The following BNC2 variants were observed in gnomAD, a reference collection of about 807,000 sequenced individuals.
BNC2 encodes zinc finger protein basonuclin-2.
In BNC2, 20 loss-of-function variants were observed where a neutral mutation model predicts 76.3. The observed-to-expected ratio is 0.26, with a 90% CI of 0.18 to 0.38. BNC2 has a LOEUF of 0.38. Among genes scored for constraint, BNC2 ranks in the 10% least tolerant of loss-of-function variants. The pLI is 1.00. For synonymous variants in BNC2, 582 were observed against 514.8 expected (o/e 1.13, Z -1.77); for missense variants, 1,382 against 1,399.8 (o/e 0.99, Z 0.20).
intron 1 of BNC2, among the ~76,000 whole-genome samples, chr9:16,818,213 G>C (rs555001731): frequency 1.3e-5 from 2 of 152,180 alleles, no homozygotes; most frequent in African/African-American, 2.4e-5. Flanking sequence ...GACCATCCTG[G>C]GTAACACGGT....
chr9:16,516,096 T>C (rs1817416125), intron 5 of BNC2, among the ~76,000 whole-genome samples: 1 of 152,222 alleles, frequency 6.6e-6, no homozygotes, highest in Non-Finnish European at 1.5e-5. Context: ...TGAGCCACTG[T>C]TTCTAAGTGC....
chr9:16,607,309 C>G (rs1820414139), intron 3 of BNC2, among the ~76,000 whole-genome samples: 1 of 151,852 alleles, frequency 6.6e-6, no homozygotes, highest in South Asian at 2.1e-4. Context: ...AAGAAAAAAA[C>G]AGACAACAAG....
chr9:16,669,796 A>C (rs1434699415), intron 3 of BNC2, among the ~76,000 whole-genome samples: 1 of 152,212 alleles, frequency 6.6e-6, no homozygotes, highest in Non-Finnish European at 1.5e-5. Flanking sequence ...ATACCACGGA[A>C]AAAGAAATGA....
At chr9:16,765,653 G>A (rs1336818146) in intron 1 of BNC2, among the ~76,000 whole-genome samples, 2 of 152,054 alleles carry the variant, frequency 1.3e-5, no homozygotes, top group Admixed American at 1.3e-4. Context: ...AAAAGTAACA[G>A]GTTTTTTTCC....
rs114095684 is a variant in BNC2 at position 16,617,749 on chromosome 9, T to C, written c.331-34664A>G. Among the ~76,000 whole-genome samples, 8 of 152,306 alleles carry C rather than the reference T, an allele frequency of 5.3e-5. 1 individual carries two copies. Among genetic ancestry groups the C allele is most frequent in the African/African-American group, 1.7e-4 (7 of 41,574 alleles). The stretch of plus-strand genomic sequence containing the variant: ...AACATGTATGCAGCATTTATTATGT[T>C]TCAGGCACTGTTCTAGGCACCATAC... On this transcript the variant is annotated intron_variant, in intron 3 of 6. Transcript: ENST00000380672.
intron 3 of BNC2, among the ~76,000 whole-genome samples, chr9:16,638,340 A>G (rs536889465): frequency 3.9e-5 from 6 of 152,356 alleles, no homozygotes; most frequent in African/African-American, 1.4e-4. Flanking sequence ...CTCAAATGAA[A>G]TTCATCAATA....
intron 3 of BNC2, among the ~76,000 whole-genome samples, chr9:16,703,197 T>C (rs1279505159): frequency 6.6e-6 from 1 of 152,150 alleles, no homozygotes; most frequent in African/African-American, 2.4e-5. Context: ...TTAAAAAAAG[T>C]GCTTCTATCA....
At chr9:16,596,102 C>A (rs1004602469) in intron 3 of BNC2, among the ~76,000 whole-genome samples, 2 of 151,990 alleles carry the variant, frequency 1.3e-5, no homozygotes, top group Non-Finnish European at 2.9e-5. Context: ...TCCATCAGAT[C>A]AAAAATCCAA....
intron 4 of BNC2, among the ~76,000 whole-genome samples, chr9:16,560,391 A>G (rs982601111): frequency 3.3e-5 from 5 of 152,218 alleles, no homozygotes; most frequent in African/African-American, 4.8e-5. Context: ...TCTTGTTAAT[A>G]GGATTAGGAA....
chr9:16,541,555 C>T (rs1818321350), intron 5 of BNC2, among the ~76,000 whole-genome samples: 1 of 152,206 alleles, frequency 6.6e-6, no homozygotes, highest in Non-Finnish European at 1.5e-5. Flanking sequence ...GAGATGACAG[C>T]ACAGAGACAA....
chr9:16,580,065 G>A (rs956674840), intron 4 of BNC2: 17 of 398,318 alleles, frequency 4.3e-5, no homozygotes, highest in African/African-American at 3.3e-4. Flanking sequence ...CCACACCCAG[G>A]ACACTGCACA....
chr9:16,607,452 G>T (rs1291343212), intron 3 of BNC2, among the ~76,000 whole-genome samples: 1 of 152,160 alleles, frequency 6.6e-6, no homozygotes, highest in East Asian at 1.9e-4. Context: ...TGGTCCTTTA[G>T]GCAGGTGGTT....
intron 3 of BNC2, among the ~76,000 whole-genome samples, chr9:16,607,307 AAC>A (rs1820414076): frequency 6.6e-6 from 1 of 152,144 alleles, no homozygotes; most frequent in Admixed American, 6.5e-5. Flanking sequence ...GAAAGAAAAA[AAC>A]AGACAACAAG....
intron 3 of BNC2, among the ~76,000 whole-genome samples, chr9:16,646,358 C>G (rs144396510): frequency 6.6e-6 from 1 of 152,132 alleles, no homozygotes; most frequent in South Asian, 2.1e-4. Context: ...ATAGAAACAA[C>G]TCATAAAATA....
intron 1 of BNC2, among the ~76,000 whole-genome samples, chr9:16,768,638 G>GT (rs1170778470): frequency 6.6e-6 from 1 of 152,126 alleles, no homozygotes. Context: ...ACCTAACTCA[G>GT]TAAGTATTTG....
chr9:16,829,511 A>T (rs1818532261), intron 1 of BNC2, among the ~76,000 whole-genome samples: 2 of 152,312 alleles, frequency 1.3e-5, no homozygotes, highest in South Asian at 4.1e-4. Context: ...AACATTTTTT[A>T]AAAATATTTT....
At chr9:16,562,068 G>A (rs1328778577) in intron 4 of BNC2, among the ~76,000 whole-genome samples, 1 of 152,144 alleles carries the variant, frequency 6.6e-6, no homozygotes. Context: ...ATACACAGAT[G>A]AGTAAAGTGT....
At chr9:16,855,204 A>C (rs1031914964) in intron 1 of BNC2, among the ~76,000 whole-genome samples, 3 of 152,072 alleles carry the variant, frequency 2.0e-5, no homozygotes, top group Admixed American at 6.6e-5. Flanking sequence ...TGAAAAGGTG[A>C]TCTTTCTCAA....
In BNC2 at chr9:16,435,552, G is replaced by A. The variant is rs971913612; in HGVS notation, c.2639+3C>T. ...CAGGAGCAGCCAATGGAGATTTACT[G>A]ACCTGTCTCGGCTTCGGCGAGAGGG... On this transcript the variant is annotated splice_donor_region_variant and intron_variant, in intron 6 of 6. Coordinates refer to ENST00000380672, the MANE Select transcript of BNC2 (RefSeq NM_017637.6). 1.9e-6 allele frequency: 3 copies of A among 1,613,550 alleles called. No homozygotes were observed. Among genetic ancestry groups the A allele is most frequent in the African/African-American group, 1.3e-5 (1 of 74,914 alleles).
Sources: allele counts gnomAD v4.1 joint callset (sites outside exome capture counted in the v4.1 genomes callset), GRCh38; gene constraint gnomAD v4.1.1; transcripts MANE v1.5; gene names NCBI Gene and HGNC (gene_info 2026-07-23, HGNC 2026-07-21).